Variants in DPYD observed in about 807,000 individuals in gnomAD.
DPYD encodes the protein dihydropyrimidine dehydrogenase [NADP(+)].
DPYD carries 109 observed loss-of-function variants against 116.2 expected under a neutral mutation model. That is an observed-to-expected ratio of 0.94 (90% confidence interval 0.80 to 1.10). The LOEUF (loss-of-function observed/expected upper bound fraction) is 1.10, where lower values mean the gene tolerates loss of function less well. Among genes scored for constraint, DPYD ranks in the 50% least tolerant of loss-of-function variants. The probability of loss-of-function intolerance (pLI) is 0.00; values close to 1 mark genes in which losing one functional copy is unlikely to be tolerated. For synonymous variants in DPYD, 440 were observed against 432.0 expected, an observed-to-expected ratio of 1.02 and a Z score of -0.23; for missense variants, 1,302 against 1,254.5, an observed-to-expected ratio of 1.04 and a Z score of -0.57.
At chr1:97,518,245 T>G (rs1648376654) in intron 12 of DPYD, among the ~76,000 whole-genome samples, 2 of 152,004 alleles carry the variant, frequency 1.3e-5, no homozygotes, top group Non-Finnish European at 1.5e-5. Flanking sequence ...TCTTATATAT[T>G]TTTTCTTTTA....
chr1:97,846,934 C>T (rs1022709897), intron 2 of DPYD, among the ~76,000 whole-genome samples: 2 of 152,118 alleles, frequency 1.3e-5, no homozygotes, highest in Non-Finnish European at 2.9e-5. Context: ...TTCAAAAAAA[C>T]AGCACTTTTC....
At chr1:97,162,924 C>T (rs1238255812) in intron 20 of DPYD, among the ~76,000 whole-genome samples, 1 of 151,562 alleles carries the variant, frequency 6.6e-6, no homozygotes, top group African/African-American at 2.4e-5. Flanking sequence ...AACTGGCTAG[C>T]CATATGTAGA....
intron 13 of DPYD, among the ~76,000 whole-genome samples, chr1:97,486,309 G>A (rs1388261730): frequency 6.6e-6 from 1 of 152,010 alleles, no homozygotes; most frequent in Admixed American, 6.6e-5. Context: ...AGTTTTTAAG[G>A]GCTGAAGAGA....
Position 97,588,975 on chromosome 1 carries a change from C to T in DPYD, c.1128+4243G>A, listed in dbSNP as rs941506397. ...ATGATACATCAGAGCAGTGGACCAGCAACCTCAGCATCACAAGGAAACTTG... is the reference window on the plus strand; with the variant it reads ...ATGATACATCAGAGCAGTGGACCAGTAACCTCAGCATCACAAGGAAACTTG... On this transcript the variant is annotated intron_variant, in intron 10 of 22. Transcript: ENST00000370192. Among the ~76,000 whole-genome samples, 11 of 152,308 alleles carry T rather than the reference C, an allele frequency of 7.2e-5. No homozygotes were observed. In the South Asian group the frequency reaches 2.1e-3, roughly 29 times the overall value.
At chr1:97,120,427 T>G (rs1418178717) in intron 20 of DPYD, among the ~76,000 whole-genome samples, 2 of 152,118 alleles carry the variant, frequency 1.3e-5, no homozygotes, top group East Asian at 3.9e-4. Flanking sequence ...GTGTCTGAAA[T>G]GGACAACTTT....
chr1:97,148,254 G>GT (rs988096761), intron 20 of DPYD, among the ~76,000 whole-genome samples: 36 of 77,234 alleles, frequency 4.7e-4, no homozygotes, highest in African/African-American at 2.3e-3. Flanking sequence ...GTGTGTGTGT[G>GT]GGGGGGGTGT....
At chr1:97,819,157 G>A (rs1240056657) in intron 3 of DPYD, among the ~76,000 whole-genome samples, 1 of 151,938 alleles carries the variant, frequency 6.6e-6, no homozygotes, top group Non-Finnish European at 1.5e-5. Flanking sequence ...GGTGAAATAT[G>A]TGTTTTTCTG....
At chr1:97,450,814 C>T (rs1327440129) in intron 13 of DPYD, among the ~76,000 whole-genome samples, 1 of 151,824 alleles carries the variant, frequency 6.6e-6, no homozygotes, top group Non-Finnish European at 1.5e-5. Flanking sequence ...TCACTTTCTC[C>T]AAGACTGAAA....
chr1:97,104,975 G>A (rs1230155323), intron 20 of DPYD, among the ~76,000 whole-genome samples: 1 of 152,114 alleles, frequency 6.6e-6, no homozygotes, highest in Non-Finnish European at 1.5e-5. Flanking sequence ...AGGCCACAAA[G>A]AGGACCAGGA....
intron 20 of DPYD, among the ~76,000 whole-genome samples, chr1:97,164,869 T>C (rs1390576240): frequency 2.0e-5 from 2 of 102,128 alleles, no homozygotes; most frequent in Admixed American, 1.9e-4. Context: ...GTACAGATTC[T>C]TTTTTTTTTT....
rs531264839 is a variant in DPYD, at chr1:97,583,142, T to C, written c.1129-9172A>G. ...CGCCACCACACCCCGCTAATTTTTTTGTATTTTTAGTAGAGACGGGGTTTC... is the reference window on the plus strand; with the variant it reads ...CGCCACCACACCCCGCTAATTTTTTCGTATTTTTAGTAGAGACGGGGTTTC... On this transcript the variant is annotated intron_variant, in intron 10 of 22. Coordinates refer to ENST00000370192, the MANE Select transcript of DPYD (RefSeq NM_000110.4). Among the ~76,000 whole-genome samples, 31 of 152,220 alleles carry C rather than the reference T, an allele frequency of 2.0e-4. No individual in the cohort carries two copies. In the South Asian group the frequency reaches 3.7e-3, roughly 18 times the overall value.
At chr1:97,458,639 A>C (rs1399739595) in intron 13 of DPYD, among the ~76,000 whole-genome samples, 2 of 152,160 alleles carry the variant, frequency 1.3e-5, no homozygotes, top group Non-Finnish European at 2.9e-5. Context: ...TCGCCACATA[A>C]ATATAGGACC....
At chr1:97,426,663 G>C (rs577536247) in intron 14 of DPYD, among the ~76,000 whole-genome samples, 1 of 152,090 alleles carries the variant, frequency 6.6e-6, no homozygotes. Context: ...ATGGAAACTA[G>C]TGACTTCTAT....
intron 13 of DPYD, among the ~76,000 whole-genome samples, chr1:97,455,489 AT>A: frequency 6.6e-6 from 1 of 151,926 alleles, no homozygotes; most frequent in East Asian, 1.9e-4. Context: ...CACTTTCCTA[AT>A]AAAATCCTAC....
chr1:97,888,173 C>CA (rs1186896978), intron 1 of DPYD, among the ~76,000 whole-genome samples: 3 of 151,932 alleles, frequency 2.0e-5, no homozygotes, highest in African/African-American at 7.3e-5. Flanking sequence ...ATTATTTTAA[C>CA]AAAAACAACA....
chr1:97,459,716 G>T (rs1676911619), intron 13 of DPYD, among the ~76,000 whole-genome samples: 1 of 152,074 alleles, frequency 6.6e-6, no homozygotes, highest in Non-Finnish European at 1.5e-5. Flanking sequence ...AAGGAATTGT[G>T]AGCAAATAGT....
intron 3 of DPYD, among the ~76,000 whole-genome samples, chr1:97,807,486 G>T (rs890070392): frequency 5.9e-5 from 9 of 151,930 alleles, no homozygotes; most frequent in African/African-American, 2.2e-4. Context: ...TTAAAATCAG[G>T]TTATTTTCTT....
intron 19 of DPYD, among the ~76,000 whole-genome samples, chr1:97,203,235 C>T (rs942788342): frequency 2.0e-5 from 3 of 152,102 alleles, no homozygotes; most frequent in African/African-American, 7.2e-5. Context: ...GCATGCTCAG[C>T]ACCTCTCATG....
At chr1:97,129,491 A>T (rs1456400729) in intron 20 of DPYD, among the ~76,000 whole-genome samples, 1 of 152,136 alleles carries the variant, frequency 6.6e-6, no homozygotes, top group Non-Finnish European at 1.5e-5. Flanking sequence ...CAGAGACTAG[A>T]AAGCTTCGTG....
Sources: gnomAD v4.1 joint callset for allele counts (sites outside exome capture counted in the v4.1 genomes callset) on GRCh38, gnomAD v4.1.1 for gene constraint, MANE v1.5 for transcripts, NCBI Gene and HGNC (gene_info 2026-07-23, HGNC 2026-07-21) for gene names.